The following NETO1 variants were observed in gnomAD, a reference collection of about 807,000 sequenced individuals.
NETO1 encodes neuropilin and tolloid like 1.
Under a neutral mutation model 61.3 loss-of-function variants are expected in NETO1, and 26 were observed. That is an observed-to-expected ratio of 0.42 (90% CI 0.31 to 0.59). NETO1 has a LOEUF of 0.59. Ranked by LOEUF, NETO1 falls within the 20% of genes least tolerant of loss-of-function variation. The pLI is 0.12. For missense variants in NETO1, 531 were observed against 662.8 expected, an observed-to-expected ratio of 0.80 and a Z score of 2.18; for synonymous variants, 225 against 225.8, an observed-to-expected ratio of 1.00 and a Z score of 0.03.
intron 4 of NETO1, among the ~76,000 whole-genome samples, chr18:72,816,131 CA>C (rs1487863012): frequency 6.6e-6 from 1 of 151,812 alleles, no homozygotes; most frequent in Non-Finnish European, 1.5e-5. Context: ...TCTATCTCTC[CA>C]GCCTGGAATT....
chr18:72,821,729 G>A (rs561787263), intron 4 of NETO1, among the ~76,000 whole-genome samples: 48 of 152,220 alleles, frequency 3.2e-4, no homozygotes, highest in African/African-American at 1.1e-3. Flanking sequence ...AACGTGAGAC[G>A]TTGAGGTGAC....
intron 4 of NETO1, among the ~76,000 whole-genome samples, chr18:72,816,328 C>T (rs897247453): frequency 9.2e-5 from 14 of 152,156 alleles, no homozygotes; most frequent in African/African-American, 3.4e-4. Flanking sequence ...CCAAAGCACG[C>T]TGGAAAATGC....
At chr18:72,850,218 G>A (rs1384464487) in intron 4 of NETO1, among the ~76,000 whole-genome samples, 1 of 152,156 alleles carries the variant, frequency 6.6e-6, no homozygotes. Flanking sequence ...ATGAAAGCTA[G>A]GGTCTTGCAG....
intron 3 of NETO1, among the ~76,000 whole-genome samples, chr18:72,859,818 A>G (rs1011459615): frequency 6.6e-6 from 1 of 152,178 alleles, no homozygotes; most frequent in African/African-American, 2.4e-5. Context: ...TACACAGGAA[A>G]GACTTGCTTT....
At chr18:72,778,740 C>T (rs543468838) in intron 7 of NETO1, among the ~76,000 whole-genome samples, 7 of 152,246 alleles carry the variant, frequency 4.6e-5, no homozygotes, top group African/African-American at 1.7e-4. Flanking sequence ...ACAAGATTCT[C>T]CTCCTCCCCT....
In NETO1 at chr18:72,867,975, C is replaced by G. The variant is rs1360903586; in HGVS notation, c.-684G>C. Reference sequence around the variant, plus strand: ...CGGCTCGCCGGGCTGCGCGCCACCTCTGCTATCTTGCGGAAAGAGGAGCGG... The same window carrying G: ...CGGCTCGCCGGGCTGCGCGCCACCTGTGCTATCTTGCGGAAAGAGGAGCGG... On this transcript the variant is annotated 5_prime_UTR_variant, in exon 1 of 11. Transcript: ENST00000327305. 3 of 149,974 alleles carry G rather than the reference C, an allele frequency of 2.0e-5. No homozygotes were observed. Among genetic ancestry groups the G allele is most frequent in the African/African-American group, 7.4e-5 (3 of 40,740 alleles). The allele number at this position is 149,974 out of a possible 1,614,324, so 9.3% of individuals were successfully genotyped here. A position where few individuals can be genotyped will look rare whatever the true frequency, so the allele number is the denominator to read the frequency against.
At chr18:72,811,409 C>T (rs1220757037) in intron 4 of NETO1, among the ~76,000 whole-genome samples, 1 of 152,322 alleles carries the variant, frequency 6.6e-6, no homozygotes, top group East Asian at 1.9e-4. Context: ...CTATGGCTTT[C>T]TTCTGGATGT....
chr18:72,835,811 C>T (rs1024576492), intron 4 of NETO1, among the ~76,000 whole-genome samples: 3 of 152,090 alleles, frequency 2.0e-5, no homozygotes, highest in African/African-American at 4.8e-5. Context: ...TTCCACGTGT[C>T]GACACTATAA....
At chr18:72,859,202 T>C (rs1599179552) in intron 3 of NETO1, 128 bp from the exon 4 acceptor site, 5 of 922,098 alleles carry the variant, frequency 5.4e-6, no homozygotes, top group South Asian at 4.2e-5. Context: ...CATAGAAATA[T>C]AAAGAAAGCA....
At chr18:72,820,201 T>C (rs1182732762) in intron 4 of NETO1, among the ~76,000 whole-genome samples, 1 of 152,134 alleles carries the variant, frequency 6.6e-6, no homozygotes, top group Non-Finnish European at 1.5e-5. Flanking sequence ...ATATAGACAA[T>C]GAGAGGAGGA....
rs1599013174 is a variant in NETO1 at position 72,794,553 on chromosome 18, T to C, written c.470-149A>G. 7.1e-6 allele frequency: 5 copies of C among 706,626 alleles called. No homozygotes were observed. In the East Asian group the frequency reaches 1.4e-4, roughly 19 times the overall value. The allele number at this position is 706,626 out of a possible 1,614,324, so 43.8% of individuals were successfully genotyped here. The stretch of plus-strand genomic sequence containing the variant: ...AACACATTAGGGAAAAGTAAATGAT[T>C]AAATAAAAAGTGCATAATGATGTTG... On this transcript the variant is annotated intron_variant, in intron 4 of 10. Transcript: ENST00000327305.
At position 72,754,197 on chromosome 18, in the gene NETO1, A is replaced by T. The variant is rs1007023829; in HGVS notation, c.982+1837T>A. Among the ~76,000 whole-genome samples, 9 of 152,266 alleles carry T rather than the reference A, an allele frequency of 5.9e-5. No individual in the cohort carries two copies. In the South Asian group the frequency reaches 6.2e-4, roughly 11 times the overall value. On this transcript the variant is annotated intron_variant, in intron 8 of 10. Coordinates refer to ENST00000327305, the MANE Select transcript of NETO1 (RefSeq NM_138966.5). ...CTAAGAAAGTAAAACAATGCATTAA[A>T]AACTCTAAAATAATTAAAATGTTGG...
Position 72,794,244 on chromosome 18 carries a change from G to C in NETO1, c.512C>G (p.Ala171Gly). The C allele has an allele frequency of 6.2e-7, 1 of 1,614,044 alleles. No homozygotes were observed. Among genetic ancestry groups the C allele is most frequent in the Non-Finnish European group, 8.5e-7 (1 of 1,179,972 alleles). Residue 171 changes from alanine (A) to glycine (G), a missense_variant and splice_region_variant, in exon 6 of 11, where the codon GCG (alanine) becomes GGG (glycine). Ala to Gly is a moderately conservative substitution (Grantham distance 60). Transcript: ENST00000327305. ...GGAACCGCCCATCTCAAACTCACAC[G>C]CTAAATAACAAAATGCCAAACAAAC... Reference protein sequence around the residue: ...KDLGALKPLPACEFEMGGSEG... With the variant: ...KDLGALKPLPGCEFEMGGSEG...
At chr18:72,826,756 T>C (rs2073386604) in intron 4 of NETO1, among the ~76,000 whole-genome samples, 1 of 152,140 alleles carries the variant, frequency 6.6e-6, no homozygotes. Context: ...AGGGTGAGTG[T>C]TCCCCCACAA....
intron 4 of NETO1, among the ~76,000 whole-genome samples, chr18:72,797,568 G>A (rs1253256271): frequency 6.6e-6 from 1 of 152,180 alleles, no homozygotes; most frequent in Non-Finnish European, 1.5e-5. Flanking sequence ...GATAACGTTG[G>A]ACTTGGTAAC....
rs979094550 is a variant in NETO1 at position 72,744,035 on chromosome 18, C to T, written c.*4144G>A. On this transcript the variant is annotated 3_prime_UTR_variant, in exon 11 of 11. Coordinates refer to ENST00000327305, the MANE Select transcript of NETO1 (RefSeq NM_138966.5). ...GGAATAAGGAGATTCTGGAAACCAA[C>T]CCAAGTAAATACACAAGTCCAAAGC... The T allele has an allele frequency of 6.6e-6, 1 of 152,058 alleles. No individual in the cohort carries two copies. Among genetic ancestry groups the T allele is most frequent in the East Asian group, 1.9e-4 (1 of 5,190 alleles). The allele number at this position is 152,058 out of a possible 1,614,324, so 9.4% of individuals were successfully genotyped here. A position where few individuals can be genotyped will look rare whatever the true frequency, so the allele number is the denominator to read the frequency against.
intron 4 of NETO1, among the ~76,000 whole-genome samples, chr18:72,849,933 C>T (rs1427284034): frequency 2.0e-5 from 3 of 152,182 alleles, no homozygotes; most frequent in African/African-American, 4.8e-5. Context: ...TCTTACATCC[C>T]ATCACCCGAT....
intron 4 of NETO1, among the ~76,000 whole-genome samples, chr18:72,796,623 C>T (rs940352867): frequency 3.9e-5 from 6 of 151,974 alleles, no homozygotes; most frequent in South Asian, 2.1e-4. Flanking sequence ...ACTACAGGCG[C>T]CCGCCACTGT....
intron 4 of NETO1, chr18:72,835,294 T>C: frequency 1.3e-6 from 2 of 1,590,824 alleles, no homozygotes; most frequent in Non-Finnish European, 1.7e-6. Flanking sequence ...ACTCTGTAGA[T>C]CCTGCTAAGG....
Sources: allele counts gnomAD v4.1 joint callset (sites outside exome capture counted in the v4.1 genomes callset), GRCh38; gene constraint gnomAD v4.1.1; transcripts MANE v1.5; gene names NCBI Gene and HGNC (gene_info 2026-07-23, HGNC 2026-07-21).